Variants in PCDH19 observed in about 807,000 individuals in gnomAD.
The protein encoded by PCDH19 is protocadherin-19.
PCDH19 carries 6 observed loss-of-function variants against 46.2 expected under a neutral mutation model. The observed-to-expected ratio is 0.13, with a 90% CI of 0.07 to 0.26. The LOEUF is 0.26. PCDH19 is among the 10% of genes least tolerant of loss of function. The pLI is 1.00. For synonymous variants in PCDH19, 481 were observed against 415.7 expected, an observed-to-expected ratio of 1.16 and a Z score of -1.91; for missense variants, 740 against 972.3, an observed-to-expected ratio of 0.76 and a Z score of 3.18.
intron 5 of PCDH19, among the ~76,000 whole-genome samples, chrX:100,341,234 G>A (rs918228027): frequency 8.9e-6 from 1 of 111,783 alleles, no homozygotes; most frequent in South Asian, 3.8e-4. Flanking sequence ...CATACATGAG[G>A]ATGCCACTCC....
chrX:100,302,662 T>C (rs1204288121), intron 5 of PCDH19, among the ~76,000 whole-genome samples: 1 of 111,712 alleles, frequency 9.0e-6, no homozygotes, highest in Non-Finnish European at 1.9e-5. Flanking sequence ...CAGGGCAAAC[T>C]GCAGGACTTG....
rs191309673 is a variant in PCDH19 at position 100,332,673 on chromosome X, A to G, written c.2848+9230T>C. 9.8e-5 allele frequency among the ~76,000 whole-genome samples: 11 copies of G among 111,774 alleles called. 1 individual carries two copies. The highest frequency in any genetic ancestry group is 3.8e-4 in the Admixed American group (4 of 10,520). On this transcript the variant is annotated intron_variant, in intron 5 of 5. Transcript: ENST00000373034. ...TCCATGTTTAGATTTATCATTTCCC[A>G]TCCTGATAAGAGTTTATGGCTCTTA...
chrX:100,363,431 C>T (rs1039987001), intron 3 of PCDH19, among the ~76,000 whole-genome samples: 57 of 108,448 alleles, frequency 5.3e-4, no homozygotes, highest in Non-Finnish European at 9.5e-4. Context: ...AGTCTTCTTA[C>T]CAGGTCGTAA....
intron 3 of PCDH19, among the ~76,000 whole-genome samples, chrX:100,375,281 T>A (rs972667688): frequency 8.9e-6 from 1 of 111,919 alleles, no homozygotes; most frequent in African/African-American, 3.3e-5. Flanking sequence ...AGGTGTGTGA[T>A]GTTCCCCTTC....
chrX:100,371,016 T>TGG (rs1490486512), intron 3 of PCDH19, among the ~76,000 whole-genome samples: 6 of 109,921 alleles, frequency 5.5e-5, no homozygotes, highest in African/African-American at 1.0e-4. Context: ...TGTGTGTGTG[T>TGG]GTGTGTGTGG....
intron 5 of PCDH19, among the ~76,000 whole-genome samples, chrX:100,329,480 T>C (rs1338607533): frequency 2.7e-5 from 3 of 112,541 alleles, no homozygotes; most frequent in African/African-American, 9.7e-5. Flanking sequence ...GGCTTCACTC[T>C]GGACTTTGCT....
At chrX:100,328,467 T>C (rs1258092323) in intron 5 of PCDH19, among the ~76,000 whole-genome samples, 1 of 111,580 alleles carries the variant, frequency 9.0e-6, no homozygotes, top group Non-Finnish European at 1.9e-5. Context: ...TCGAAGACTT[T>C]TCCCTCTCCC....
At chrX:100,343,548 A>G (rs1264668610) in intron 4 of PCDH19, among the ~76,000 whole-genome samples, 1 of 111,982 alleles carries the variant, frequency 8.9e-6, no homozygotes, top group African/African-American at 3.3e-5. Context: ...ACTTCACACC[A>G]TTTCTCATGA....
At chrX:100,386,637 T>C (rs2147520810) in intron 3 of PCDH19, among the ~76,000 whole-genome samples, 1 of 111,816 alleles carries the variant, frequency 8.9e-6, no homozygotes, top group South Asian at 3.7e-4. Context: ...AGAGAAAATA[T>C]GAATCTTAAG....
At chrX:100,335,434 T>TA (rs1465436564) in intron 5 of PCDH19, among the ~76,000 whole-genome samples, 54 of 109,128 alleles carry the variant, frequency 4.9e-4, no homozygotes, top group South Asian at 3.2e-3. Flanking sequence ...CAGGTGGATT[T>TA]TAAAAAAAAA....
rs922229354 is a variant in PCDH19 at position 100,295,970 on chromosome X, T to C, written c.*307A>G. ...GGTAATTTATATTATAATTTTGACA[T>C]AGAAAAATATATAAATTCAAACACT... On this transcript the variant is annotated 3_prime_UTR_variant, in exon 6 of 6. Transcript: ENST00000373034. 1.6e-5 allele frequency: 4 copies of C among 248,404 alleles called. No homozygotes were observed. Among genetic ancestry groups the C allele is most frequent in the Admixed American group, 6.0e-5 (1 of 16,562 alleles). 20.5% of individuals were successfully genotyped at this position (248,404 alleles called of 1,213,427 possible).
intron 3 of PCDH19, among the ~76,000 whole-genome samples, chrX:100,375,403 T>G (rs1221843595): frequency 8.9e-6 from 1 of 112,088 alleles, no homozygotes. Flanking sequence ...GCTTCATCCA[T>G]GTCCCTACAA....
At chrX:100,398,128 A>G (rs1928077849) in intron 3 of PCDH19, among the ~76,000 whole-genome samples, 1 of 111,809 alleles carries the variant, frequency 8.9e-6, no homozygotes, top group African/African-American at 3.3e-5. Flanking sequence ...AAATATGTAA[A>G]AGATACCTGA....
chrX:100,387,452 G>A (rs928793228), intron 3 of PCDH19, among the ~76,000 whole-genome samples: 3 of 111,448 alleles, frequency 2.7e-5, no homozygotes, highest in Admixed American at 1.9e-4. Flanking sequence ...CTTCAGAGCC[G>A]AGAAGCAAGA....
intron 3 of PCDH19, among the ~76,000 whole-genome samples, chrX:100,392,648 A>G (rs1314622739): frequency 9.0e-6 from 1 of 111,666 alleles, no homozygotes; most frequent in Non-Finnish European, 1.9e-5. Flanking sequence ...TGCCAGTCTT[A>G]TGAGTGCAGT....
intron 3 of PCDH19, among the ~76,000 whole-genome samples, chrX:100,378,697 G>A (rs1404285411): frequency 8.9e-6 from 1 of 112,438 alleles, no homozygotes; most frequent in Non-Finnish European, 1.9e-5. Context: ...CAAAAGTCAG[G>A]TTAAGACATC....
At chrX:100,361,951 G>A (rs1378347467) in intron 3 of PCDH19, among the ~76,000 whole-genome samples, 2 of 111,878 alleles carry the variant, frequency 1.8e-5, no homozygotes, top group Non-Finnish European at 3.8e-5. Flanking sequence ...CCTCCTGCAG[G>A]AAGATTAAGA....
intron 5 of PCDH19, among the ~76,000 whole-genome samples, chrX:100,298,003 T>A (rs1468956548): frequency 9.1e-6 from 1 of 110,354 alleles, no homozygotes; most frequent in South Asian, 3.7e-4. Context: ...ATATATCTTA[T>A]ATATACATAT....
chrX:100,308,417 T>C (rs1170114595), intron 5 of PCDH19, among the ~76,000 whole-genome samples: 2 of 111,652 alleles, frequency 1.8e-5, no homozygotes, highest in African/African-American at 6.5e-5. Flanking sequence ...TTCTAAGACC[T>C]GAAACCATAA....
Sources: allele counts gnomAD v4.1 joint callset (sites outside exome capture counted in the v4.1 genomes callset), GRCh38; gene constraint gnomAD v4.1.1; transcripts MANE v1.5; gene names NCBI Gene and HGNC (gene_info 2026-07-23, HGNC 2026-07-21).